VPS35: variants seen among roughly 807,000 people sequenced by gnomAD.
VPS35 encodes the protein vacuolar protein sorting-associated protein 35.
A neutral mutation model predicts 98.1 loss-of-function variants in VPS35; 21 were observed. The observed-to-expected ratio is 0.21, with a 90% CI of 0.15 to 0.31. The LOEUF is 0.31. Among genes scored for constraint, VPS35 ranks in the 10% least tolerant of loss-of-function variants. The pLI is 1.00. For synonymous variants in VPS35, 268 were observed against 318.2 expected (o/e 0.84, Z 1.68); for missense variants, 554 against 950.8 (o/e 0.58, Z 5.49).
At position 46,668,437 on chromosome 16, in the gene VPS35, T is replaced by G. The variant is rs901878692; in HGVS notation, c.1647+493A>C. Reference sequence around the variant, plus strand: ...AAAATTAAGTTACTGAGGTTGTTCCTTAACATTAACCTGAATGTCCAACTT... The same window carrying G: ...AAAATTAAGTTACTGAGGTTGTTCCGTAACATTAACCTGAATGTCCAACTT... On this transcript the variant is annotated intron_variant, in intron 13 of 16. Transcript: ENST00000299138. Among the ~76,000 whole-genome samples, 6 of 152,132 alleles carry G rather than the reference T, an allele frequency of 3.9e-5. No homozygotes were observed. In the South Asian group the frequency reaches 1.0e-3, roughly 26 times the overall value.
intron 10 of VPS35, 112 bp downstream of exon 10, chr16:46,674,202 T>A: frequency 8.4e-7 from 1 of 1,195,312 alleles, no homozygotes; most frequent in South Asian, 1.3e-5. Context: ...ACAATCTTAA[T>A]GCATGATTAA....
intron 12 of VPS35, 118 bp from the exon 13 acceptor site, chr16:46,669,170 C>A: frequency 1.3e-5 from 17 of 1,280,000 alleles, no homozygotes; most frequent in Non-Finnish European, 1.7e-5. Context: ...ATGTACCATA[C>A]TTTATGGTAG....
intron 13 of VPS35, among the ~76,000 whole-genome samples, chr16:46,666,840 TACACA>T (rs975997060): frequency 3.9e-5 from 6 of 152,234 alleles, no homozygotes; most frequent in Admixed American, 6.5e-5. Flanking sequence ...CACACATATA[TACACA>T]ACACAATTTC....
At position 46,660,292 on chromosome 16, in the gene VPS35, A is replaced by T. The variant is rs1190571241; in HGVS notation, c.*180T>A. Reference sequence around the variant, plus strand: ...AAAGACTTGAACACTTACCAAGTGAATAATTTTATTAAGGTCCTGAAGGTG... The same window carrying T: ...AAAGACTTGAACACTTACCAAGTGATTAATTTTATTAAGGTCCTGAAGGTG... On this transcript the variant is annotated 3_prime_UTR_variant, in exon 17 of 17. Transcript: ENST00000299138. The T allele has an allele frequency of 1.7e-6, 1 of 604,262 alleles. No homozygotes were observed. The allele number at this position is 604,262 out of a possible 1,614,324, so 37.4% of individuals were successfully genotyped here. A position where few individuals can be genotyped will look rare whatever the true frequency, so the allele number is the denominator to read the frequency against.
intron 1 of VPS35, among the ~76,000 whole-genome samples, chr16:46,687,679 T>C (rs924068935): frequency 1.3e-5 from 2 of 152,138 alleles, no homozygotes; most frequent in Non-Finnish European, 2.9e-5. Flanking sequence ...TCCGTGACAC[T>C]GAAGGCACAC....
chr16:46,681,385 G>A lies in VPS35; in HGVS notation c.315C>T (p.Ile105=). The part of the protein sequence containing the change: ...YELVQYAGNI[I]PRLYLLITVG... ...GATTTGTAATTACTTACAGCCTTGGGATAATGTTTCCAGCATACTGTACAA... is the reference window on the plus strand; with the variant it reads ...GATTTGTAATTACTTACAGCCTTGGAATAATGTTTCCAGCATACTGTACAA... Residue 105 remains isoleucine, a synonymous_variant, in exon 4 of 17, where the codon ATC becomes ATT. Coordinates refer to ENST00000299138, the MANE Select transcript of VPS35 (RefSeq NM_018206.6). 3 of 1,613,628 alleles carry A rather than the reference G, an allele frequency of 1.9e-6. No homozygotes were observed. The highest frequency in any genetic ancestry group is 2.5e-6 in the Non-Finnish European group (3 of 1,179,682).
chr16:46,676,755 G>C, intron 7 of VPS35, 63 bp from the exon 8 acceptor site: 1 of 1,186,796 alleles, frequency 8.4e-7, no homozygotes, highest in Non-Finnish European at 1.3e-6. Flanking sequence ...CTCACATATG[G>C]TAAAGTTCAC....
chr16:46,677,736 A>G (rs1277475351), intron 6 of VPS35: 2 of 317,840 alleles, frequency 6.3e-6, no homozygotes, highest in Non-Finnish European at 1.2e-5. Context: ...GGGTCTCCCT[A>G]TGTTGCCCAG....
chr16:46,675,309 T>C (rs542942943), intron 8 of VPS35, among the ~76,000 whole-genome samples: 3 of 152,330 alleles, frequency 2.0e-5, no homozygotes, highest in East Asian at 3.9e-4. Flanking sequence ...ACATAGACTA[T>C]TTTAAGATAC....
chr16:46,681,293 T>A, intron 4 of VPS35, 84 bp downstream of exon 4: 1 of 1,584,440 alleles, frequency 6.3e-7, no homozygotes, highest in Non-Finnish European at 8.7e-7. Context: ...CCCTTAAAAC[T>A]TTTTCTTAAG....
intron 13 of VPS35, among the ~76,000 whole-genome samples, chr16:46,663,412 G>A (rs1394242091): frequency 6.6e-6 from 1 of 152,170 alleles, no homozygotes; most frequent in South Asian, 2.1e-4. Flanking sequence ...ACAGAGTTTT[G>A]CTCTTGTTGC....
At chr16:46,685,104 T>C (rs1966291652) in intron 1 of VPS35, among the ~76,000 whole-genome samples, 1 of 152,222 alleles carries the variant, frequency 6.6e-6, no homozygotes, top group South Asian at 2.1e-4. Context: ...GATTGTACAG[T>C]ATTGTGAGCA....
Position 46,669,675 on chromosome 16 carries a change from AAAAAAAG to A in VPS35, c.1525-630_1525-624del, listed in dbSNP as rs1200495503. 1.8e-3 allele frequency among the ~76,000 whole-genome samples: 268 copies of A among 151,448 alleles called. 1 individual carries two copies. The highest frequency in any genetic ancestry group is 6.3e-3 in the African/African-American group (261 of 41,450). ...GAGCAAGATTCCATCTCAAAAAAAAAAAAAAAGAAAAAAGAAAAGAGAAAAAAAGAAG... is the reference window on the plus strand; with the variant it reads ...GAGCAAGATTCCATCTCAAAAAAAAAAAAAAAGAAAAGAGAAAAAAAGAAG... On this transcript the variant is annotated intron_variant, in intron 12 of 16. Transcript: ENST00000299138.
At position 46,671,562 on chromosome 16, in the gene VPS35, C is replaced by A; in HGVS notation, c.1524+143G>T. 3 of 1,230,332 alleles carry A rather than the reference C, an allele frequency of 2.4e-6. No individual in the cohort carries two copies. The South Asian group carries it at 3.9e-5, about 16-fold the overall frequency. 76.2% of individuals were successfully genotyped at this position (1,230,332 alleles called of 1,614,324 possible). A position where few individuals can be genotyped will look rare whatever the true frequency, so the allele number is the denominator to read the frequency against. ...TCTCGGCTCACTACAACCTCCGCCT[C>A]CCAGGTTCAAGTGAATCTTTAATTC... On this transcript the variant is annotated intron_variant, in intron 12 of 16. Transcript: ENST00000299138.
Position 46,660,597 on chromosome 16 carries a change from T to G in VPS35, c.2266A>C (p.Asn756His). The G allele has an allele frequency of 6.2e-7, 1 of 1,614,090 alleles. No homozygotes were observed. The highest frequency in any genetic ancestry group is 8.5e-7 in the Non-Finnish European group (1 of 1,180,020). Reference protein sequence around the residue: ...LIQKIREDLPNLESSEETEQI... With the variant: ...LIQKIREDLPHLESSEETEQI... ...TCTGTTTCTTCACTGGATTCAAGAT[T>G]CGGGAGGTCTTCTCGAATCTTTTGG... Residue 756 changes from asparagine to histidine, a missense_variant, in exon 17 of 17, where the codon AAT (asparagine) becomes CAT (histidine). Around this residue, in one of 5 missense-constraint regions of VPS35, gnomAD observed 153 missense variants for 211.0 expected, o/e 0.73. Coordinates refer to ENST00000299138, the MANE Select transcript of VPS35 (RefSeq NM_018206.6).
At chr16:46,662,940 C>G in intron 14 of VPS35, 43 bp downstream of exon 14, 1 of 1,612,412 alleles carries the variant, frequency 6.2e-7, no homozygotes, top group East Asian at 2.2e-5. Context: ...GCAACTGAAC[C>G]CAGCAGAGCT....
At chr16:46,684,291 T>G (rs1191431992) in intron 1 of VPS35, among the ~76,000 whole-genome samples, 1 of 152,218 alleles carries the variant, frequency 6.6e-6, no homozygotes, top group East Asian at 1.9e-4. Flanking sequence ...TCTCTTTTCC[T>G]CTAGACTACT....
At chr16:46,688,213 T>G in intron 1 of VPS35, 2 of 662,826 alleles carry the variant, frequency 3.0e-6, no homozygotes, top group Non-Finnish European at 3.7e-6. Context: ...CTACACAGAG[T>G]GAGTAAGGTA....
rs1555522793 is a variant in VPS35 at position 46,660,195 on chromosome 16, T to TG, written c.*276_*277insC. 6.7e-5 allele frequency: 13 copies of TG among 194,578 alleles called. 1 individual carries two copies. The highest frequency in any genetic ancestry group is 1.8e-4 in the Admixed American group (3 of 16,444). The allele number at this position is 194,578 out of a possible 1,614,324, so 12.1% of individuals were successfully genotyped here. On this transcript the variant is annotated 3_prime_UTR_variant, in exon 17 of 17. Transcript: ENST00000299138. Reference sequence around the variant, plus strand: ...ATAAGTGCTTGTGGGTTTTGTGTTTTTTTTTTTTTTTTTTTTTACAGATCA... The same window carrying TG: ...ATAAGTGCTTGTGGGTTTTGTGTTTTGTTTTTTTTTTTTTTTTTACAGATCA...
Sources: allele counts gnomAD v4.1 joint callset (sites outside exome capture counted in the v4.1 genomes callset), GRCh38; gene constraint gnomAD v4.1.1; regional missense constraint gnomAD v4.1.1; transcripts MANE v1.5; gene names NCBI Gene and HGNC (gene_info 2026-07-23, HGNC 2026-07-21).